Variants in ZNF713 observed in about 807,000 individuals in gnomAD.
The protein encoded by ZNF713 is zinc finger protein 713.
Under a neutral mutation model 28.7 loss-of-function variants are expected in ZNF713, and 21 were observed. The observed-to-expected ratio is 0.73, with a 90% CI of 0.52 to 1.05. ZNF713 has a LOEUF of 1.05. Ranked by LOEUF, ZNF713 falls within the 50% of genes least tolerant of loss-of-function variation. The probability of loss-of-function intolerance (pLI) is 0.00; values close to 1 mark genes in which losing one functional copy is unlikely to be tolerated. For synonymous variants in ZNF713, 167 were observed against 178.0 expected (o/e 0.94, Z 0.49); for missense variants, 458 against 532.4 (o/e 0.86, Z 1.37).
intron 4 of ZNF713, among the ~76,000 whole-genome samples, chr7:55,920,582 A>G (rs1408975283): frequency 6.6e-6 from 1 of 152,204 alleles, no homozygotes. Flanking sequence ...AGGTTTAAGG[A>G]AAGAAGCTGT....
intron 4 of ZNF713, among the ~76,000 whole-genome samples, chr7:55,917,337 C>T (rs548795954): frequency 3.2e-4 from 48 of 151,196 alleles, no homozygotes; most frequent in African/African-American, 1.0e-3. Context: ...ACTCGAATTA[C>T]AGTGGTCTCA....
chr7:55,923,725 T>C (rs1383293730), intron 6 of ZNF713, 26 bp downstream of exon 6: 1 of 1,584,876 alleles, frequency 6.3e-7, no homozygotes, highest in East Asian at 2.2e-5. Context: ...TGGGCACTGC[T>C]ACTTAATGAG....
chr7:55,890,933 T>G (rs1785369996), intron 1 of ZNF713, among the ~76,000 whole-genome samples: 1 of 151,058 alleles, frequency 6.6e-6, no homozygotes, highest in Non-Finnish European at 1.5e-5. Context: ...GAGGTGGAGG[T>G]TGCAGTGAGC....
intron 1 of ZNF713, among the ~76,000 whole-genome samples, chr7:55,892,623 A>G (rs868411522): frequency 1.4e-5 from 2 of 148,116 alleles, no homozygotes; most frequent in Middle Eastern, 3.6e-3. Flanking sequence ...CTGTAATCCC[A>G]GCACTTTAGG....
At chr7:55,890,375 G>A (rs538463668) in intron 1 of ZNF713, among the ~76,000 whole-genome samples, 4 of 151,114 alleles carry the variant, frequency 2.6e-5, no homozygotes, top group South Asian at 2.1e-4. Flanking sequence ...GCTTGAACCC[G>A]GGAGGCAGAG....
intron 6 of ZNF713, among the ~76,000 whole-genome samples, chr7:55,929,010 C>G (rs1310780365): frequency 6.6e-6 from 1 of 151,244 alleles, no homozygotes; most frequent in Admixed American, 6.6e-5. Flanking sequence ...TGGTAACACA[C>G]GCCTGTAGTC....
At chr7:55,919,461 T>C (rs956182758) in intron 4 of ZNF713, among the ~76,000 whole-genome samples, 2 of 51,478 alleles carry the variant, frequency 3.9e-5, no homozygotes, top group East Asian at 1.0e-3. Context: ...TGTATTGTAG[T>C]GTAGCTGGAT....
At chr7:55,903,392 G>A (rs531089100) in intron 1 of ZNF713, among the ~76,000 whole-genome samples, 24 of 152,080 alleles carry the variant, frequency 1.6e-4, no homozygotes, top group African/African-American at 4.8e-4. Flanking sequence ...GCCCATGGCC[G>A]GGTGTGGTGG....
intron 1 of ZNF713, among the ~76,000 whole-genome samples, chr7:55,890,029 G>A (rs907037575): frequency 2.6e-5 from 4 of 152,188 alleles, no homozygotes; most frequent in African/African-American, 9.7e-5. Context: ...GCTTGCAGAA[G>A]GGACTGGCAT....
rs1311963384 is a variant in ZNF713, at chr7:55,914,863, TA to T, written c.87+2141del. ...TCATTTGGTTTATTTTATTTTATTT[TA>T]TTTTTTTTGAGACAGAGACTTACTG... On this transcript the variant is annotated intron_variant, in intron 4 of 6. Transcript: ENST00000429591. Among the ~76,000 whole-genome samples, 83 of 152,174 alleles carry T rather than the reference TA, an allele frequency of 5.5e-4. 1 individual carries two copies. Among genetic ancestry groups the T allele is most frequent in the Non-Finnish European group, 1.0e-4 (7 of 68,030 alleles).
In ZNF713 at chr7:55,939,203, G is replaced by T; in HGVS notation, c.529G>T (p.Glu177Ter). Residue 177 changes from glutamate (E) to a stop codon, truncating the protein, a stop_gained, in exon 7 of 7, where the codon GAG becomes TAG. Transcript: ENST00000429591. LOFTEE classifies it high-confidence loss of function. ...VTLTHKKITQ[E>*]RSLECNKFAE... ...TTTGACCCACAAAAAGATCACACAGGAGAGAAGCCTTGAGTGTAATAAATT... is the reference window on the plus strand; with the variant it reads ...TTTGACCCACAAAAAGATCACACAGTAGAGAAGCCTTGAGTGTAATAAATT... 6.2e-7 allele frequency: 1 copy of T among 1,614,138 alleles called. No individual in the cohort carries two copies. Among genetic ancestry groups the T allele is most frequent in the Non-Finnish European group, 8.5e-7 (1 of 1,180,026 alleles).
intron 6 of ZNF713, among the ~76,000 whole-genome samples, chr7:55,926,952 AC>A (rs1786108358): frequency 6.6e-6 from 1 of 152,076 alleles, no homozygotes; most frequent in South Asian, 2.1e-4. Context: ...CCTGGGGTTC[AC>A]CAACATGGTG....
In ZNF713 at chr7:55,941,481, A is replaced by G. The variant is rs888048629; in HGVS notation, c.*1475A>G. 2.6e-5 allele frequency: 4 copies of G among 152,002 alleles called. No individual in the cohort carries two copies. Among genetic ancestry groups the G allele is most frequent in the African/African-American group, 9.7e-5 (4 of 41,412 alleles). 9.4% of individuals were successfully genotyped at this position (152,002 alleles called of 1,614,324 possible). A position where few individuals can be genotyped will look rare whatever the true frequency, so the allele number is the denominator to read the frequency against. On this transcript the variant is annotated 3_prime_UTR_variant, in exon 7 of 7. Transcript: ENST00000429591. ...AAAAAAAAAAAAGTAAAATTTAAAAATAAAGGCGATGCTGTAGTGCAGCCA... is the reference window on the plus strand; with the variant it reads ...AAAAAAAAAAAAGTAAAATTTAAAAGTAAAGGCGATGCTGTAGTGCAGCCA...
intron 6 of ZNF713, among the ~76,000 whole-genome samples, chr7:55,926,597 G>A (rs946004240): frequency 2.0e-5 from 3 of 152,150 alleles, no homozygotes; most frequent in African/African-American, 7.2e-5. Context: ...CTAGGGTACT[G>A]CATGCCTCAT....
At chr7:55,912,836 C>A in intron 4 of ZNF713, 113 bp downstream of exon 4, 1 of 782,946 alleles carries the variant, frequency 1.3e-6, no homozygotes, top group Non-Finnish European at 2.2e-6. Context: ...CCAGGAGATT[C>A]ATGTGACAGA....
At chr7:55,893,872 ACCTGGC>A (rs1231128356) in intron 1 of ZNF713, among the ~76,000 whole-genome samples, 1 of 152,004 alleles carries the variant, frequency 6.6e-6, no homozygotes, top group Non-Finnish European at 1.5e-5. Flanking sequence ...GAGCCACCAC[ACCTGGC>A]CAAGGGTTGT....
At chr7:55,893,503 CA>C (rs1486730749) in intron 1 of ZNF713, among the ~76,000 whole-genome samples, 26 of 152,220 alleles carry the variant, frequency 1.7e-4, no homozygotes, top group Admixed American at 1.6e-3. Context: ...AGTTATTATA[CA>C]GAAGGCAGGG....
intron 6 of ZNF713, among the ~76,000 whole-genome samples, chr7:55,932,488 G>A (rs1318802854): frequency 6.8e-6 from 1 of 146,254 alleles, no homozygotes; most frequent in East Asian, 2.0e-4. Flanking sequence ...TCACACCACT[G>A]CACTCCAGCC....
At chr7:55,926,318 TAAAAA>T (rs937407485) in intron 6 of ZNF713, among the ~76,000 whole-genome samples, 21 of 152,040 alleles carry the variant, frequency 1.4e-4, no homozygotes, top group African/African-American at 5.1e-4. Context: ...TCCAAAAAAA[TAAAAA>T]GAAAACTTCC....
Sources: allele counts gnomAD v4.1 joint callset (sites outside exome capture counted in the v4.1 genomes callset), GRCh38; gene constraint gnomAD v4.1.1; transcripts MANE v1.5; gene names NCBI Gene and HGNC (gene_info 2026-07-23, HGNC 2026-07-21).